The following SMCR8 variants were observed in gnomAD, a reference collection of about 807,000 sequenced individuals.
SMCR8 encodes guanine nucleotide exchange protein SMCR8.
SMCR8 carries 30 observed loss-of-function variants against 56.6 expected under a neutral mutation model. That is an observed-to-expected ratio of 0.53 (90% CI 0.40 to 0.72). The LOEUF (loss-of-function observed/expected upper bound fraction) is 0.72, where lower values mean the gene tolerates loss of function less well. Ranked by LOEUF, SMCR8 falls within the 30% of genes least tolerant of loss-of-function variation. The pLI, the probability that SMCR8 is intolerant of heterozygous loss-of-function variation, is 0.00. For synonymous variants in SMCR8, 538 were observed against 456.0 expected (o/e 1.18, Z -2.29); for missense variants, 1,198 against 1,157.0 (o/e 1.04, Z -0.51).
chr17:18,317,659 C>T lies in SMCR8; in HGVS notation c.1870C>T (p.Gln624Ter). The change falls in exon 1 of 2, where the codon CAG (glutamine) becomes TAG (stop). Residue 624 changes from glutamine (Q) to a stop codon, truncating the protein, a stop_gained. Coordinates refer to ENST00000406438, the MANE Select transcript of SMCR8 (RefSeq NM_144775.3). LOFTEE classifies it high-confidence loss of function. ...CCCACAGCGCCACAGGCAGAAGGACCAGGGGTTCCGTGTAGACTTTTCAGT... is the reference window on the plus strand; with the variant it reads ...CCCACAGCGCCACAGGCAGAAGGACTAGGGGTTCCGTGTAGACTTTTCAGT... ...SPPQRHRQKD[Q>*]GFRVDFSVEN... The T allele has an allele frequency of 6.2e-7, 1 of 1,614,188 alleles. No individual in the cohort carries two copies. Among genetic ancestry groups the T allele is most frequent in the Admixed American group, 1.7e-5 (1 of 60,032 alleles).
At chr17:18,318,318 C>T (rs1313706032) in intron 1 of SMCR8, among the ~76,000 whole-genome samples, 169 bp downstream of exon 1, 1 of 152,210 alleles carries the variant, frequency 6.6e-6, no homozygotes, top group Non-Finnish European at 1.5e-5. Context: ...CCTTGTCTGT[C>T]ATGTGAGGGG....
At chr17:18,321,147 A>G (rs187718107) in intron 1 of SMCR8, among the ~76,000 whole-genome samples, 1 of 152,370 alleles carries the variant, frequency 6.6e-6, no homozygotes, top group Admixed American at 6.5e-5. Flanking sequence ...GTACTGTGAG[A>G]GTACCTTGGT....
Position 18,323,142 on chromosome 17 carries a change from A to C in SMCR8, c.*72A>C, listed in dbSNP as rs986073495. 12 of 1,332,964 alleles carry C rather than the reference A, an allele frequency of 9.0e-6. No individual in the cohort carries two copies. Among genetic ancestry groups the C allele is most frequent in the Non-Finnish European group, 1.3e-5 (12 of 952,688 alleles). The allele number at this position is 1,332,964 out of a possible 1,614,324, so 82.6% of individuals were successfully genotyped here. ...GGAGGGGAGGGGTTGGCATGACCAAACAGTTGCCTGAGCTGGACTGTTTAA... is the reference window on the plus strand; with the variant it reads ...GGAGGGGAGGGGTTGGCATGACCAACCAGTTGCCTGAGCTGGACTGTTTAA... On this transcript the variant is annotated 3_prime_UTR_variant, in exon 2 of 2. Coordinates refer to ENST00000406438, the MANE Select transcript of SMCR8 (RefSeq NM_144775.3).
chr17:18,322,710 C>G lies in SMCR8; in HGVS notation c.2454C>G (p.Arg818=), dbSNP rs373529253. 1 of 1,614,256 alleles carries G rather than the reference C, an allele frequency of 6.2e-7. No homozygotes were observed. ...SILDLDNKTL[R]CPLYRGTLVP... ...TGGACCTTGACAACAAAACCCTGCG[C>G]TGCCCCCTTTACAGAGGCACCCTGG... Residue 818 remains arginine, a synonymous_variant, in exon 2 of 2, where the codon CGC becomes CGG. Transcript: ENST00000406438.
In SMCR8 at chr17:18,325,338, A is replaced by T. The variant is rs1330668148; in HGVS notation, c.*2268A>T. 2 of 152,236 alleles carry T rather than the reference A, an allele frequency of 1.3e-5. No individual in the cohort carries two copies. Among genetic ancestry groups the T allele is most frequent in the African/African-American group, 4.8e-5 (2 of 41,454 alleles). The allele number at this position is 152,236 out of a possible 1,614,324, so 9.4% of individuals were successfully genotyped here. A position where few individuals can be genotyped will look rare whatever the true frequency, so the allele number is the denominator to read the frequency against. ...GTCCACTTGAGGTATTTGCTGGCAC[A>T]CACCCTCAAGGGTGGTTCAGAAGGT... On this transcript the variant is annotated 3_prime_UTR_variant, in exon 2 of 2. Transcript: ENST00000406438.
At chr17:18,318,517 C>T (rs1982403384) in intron 1 of SMCR8, among the ~76,000 whole-genome samples, 2 of 152,160 alleles carry the variant, frequency 1.3e-5, no homozygotes, top group South Asian at 4.1e-4. Flanking sequence ...AATTCTCTTG[C>T]CTCACTGTCC....
At position 18,317,885 on chromosome 17, in the gene SMCR8, C is replaced by G; in HGVS notation, c.2096C>G (p.Ser699Cys). The G allele has an allele frequency of 6.2e-7, 1 of 1,614,172 alleles. No individual in the cohort carries two copies. The highest frequency in any genetic ancestry group is 8.5e-7 in the Non-Finnish European group (1 of 1,180,026). ...IPSAYPAGLS[S>C]DRHKKRAGQN... ...TCTGCTTATCCTGCTGGCCTGTCTT[C>G]CGATAGGCATAAAAAGAGGGCTGGC... is the stretch of plus-strand genomic sequence containing the variant. The change falls in exon 1 of 2, where the codon TCC becomes TGC. Residue 699 changes from serine to cysteine, a missense_variant. Ser to Cys is a moderately radical substitution (Grantham distance 112). Transcript: ENST00000406438.
intron 1 of SMCR8, 140 bp downstream of exon 1, chr17:18,318,289 C>T (rs1302885375): frequency 1.2e-6 from 1 of 810,568 alleles, no homozygotes; most frequent in East Asian, 2.5e-5. Flanking sequence ...CAAGTCATCC[C>T]CCTCTCTGGT....
rs1982619949 is a variant in SMCR8 at position 18,325,338 on chromosome 17, AC to A, written c.*2269del. The A allele has an allele frequency of 6.6e-6, 1 of 152,236 alleles. No individual in the cohort carries two copies. The highest frequency in any genetic ancestry group is 1.5e-5 in the Non-Finnish European group (1 of 68,056). The allele number at this position is 152,236 out of a possible 1,614,324, so 9.4% of individuals were successfully genotyped here. A position where few individuals can be genotyped will look rare whatever the true frequency, so the allele number is the denominator to read the frequency against. ...GTCCACTTGAGGTATTTGCTGGCAC[AC>A]ACCCTCAAGGGTGGTTCAGAAGGTC... On this transcript the variant is annotated 3_prime_UTR_variant, in exon 2 of 2. Transcript: ENST00000406438.
rs1982681718 is a variant in SMCR8, at chr17:18,327,060, G to C, written c.*3990G>C. ...ACTGTGATGGAACATAATAAAACTG[G>C]AGATATGGTTTTTAACACTGCAAAA... On this transcript the variant is annotated 3_prime_UTR_variant, in exon 2 of 2. Coordinates refer to ENST00000406438, the MANE Select transcript of SMCR8 (RefSeq NM_144775.3). 1 of 152,438 alleles carries C rather than the reference G, an allele frequency of 6.6e-6. No individual in the cohort carries two copies. Among genetic ancestry groups the C allele is most frequent in the Non-Finnish European group, 1.5e-5 (1 of 68,038 alleles). The allele number at this position is 152,438 out of a possible 1,614,324, so 9.4% of individuals were successfully genotyped here. A position where few individuals can be genotyped will look rare whatever the true frequency, so the allele number is the denominator to read the frequency against.
chr17:18,320,526 G>C (rs1243339413), intron 1 of SMCR8, among the ~76,000 whole-genome samples: 4 of 152,220 alleles, frequency 2.6e-5, no homozygotes, highest in African/African-American at 9.7e-5. Context: ...AGCACCTGTG[G>C]AGCTGGATGT....
rs755871101 is a variant in SMCR8 at position 18,325,001 on chromosome 17, T to C, written c.*1931T>C. The C allele has an allele frequency of 6.6e-5, 10 of 152,386 alleles. No individual in the cohort carries two copies. Among genetic ancestry groups the C allele is most frequent in the Non-Finnish European group, 1.5e-4 (10 of 68,044 alleles). The allele number at this position is 152,386 out of a possible 1,614,324, so 9.4% of individuals were successfully genotyped here. ...CTGCTTCTAATCGTGGGCTCCCTTA[T>C]CTGTTACGGTTCCCTCCCCTCCTGT... On this transcript the variant is annotated 3_prime_UTR_variant, in exon 2 of 2. Transcript: ENST00000406438.
At chr17:18,321,659 G>A (rs2142994197) in intron 1 of SMCR8, among the ~76,000 whole-genome samples, 1 of 152,152 alleles carries the variant, frequency 6.6e-6, no homozygotes, top group Admixed American at 6.5e-5. Flanking sequence ...GGGAAACATA[G>A]CAAACTTCCA....
Position 18,316,880 on chromosome 17 carries a change from A to C in SMCR8, c.1091A>C (p.Gln364Pro), listed in dbSNP as rs145804608. Residue 364 changes from glutamine to proline, a missense_variant, in exon 1 of 2, where the codon CAA becomes CCA. Transcript: ENST00000406438. The stretch of plus-strand genomic sequence containing the variant: ...CAGATTGATAGAGCACTTCTAAAAC[A>C]ACAGCATATAACAAACTTTCTCTTT... ...TSQIDRALLK[Q>P]QHITNFLFED... 1.2e-6 allele frequency: 2 copies of C among 1,614,210 alleles called. No homozygotes were observed. Among genetic ancestry groups the C allele is most frequent in the African/African-American group, 2.7e-5 (2 of 75,050 alleles).
In SMCR8 at chr17:18,316,663, GACA is replaced by G. The variant is rs1253003057; in HGVS notation, c.875_877del (p.Asp292_Thr293delinsAla). 1 of 1,614,008 alleles carries G rather than the reference GACA, an allele frequency of 6.2e-7. No individual in the cohort carries two copies. The highest frequency in any genetic ancestry group is 8.5e-7 in the Non-Finnish European group (1 of 1,180,036). On this transcript the variant is annotated inframe_deletion, in exon 1 of 2. Transcript: ENST00000406438. The stretch of plus-strand genomic sequence containing the variant: ...TACCTCTAACCCTGATGAGTCTGCC[GACA>G]CAGACCTTTACACCTGCAGACCAGC...
chr17:18,321,205 C>T (rs1982487225), intron 1 of SMCR8, among the ~76,000 whole-genome samples: 1 of 152,244 alleles, frequency 6.6e-6, no homozygotes, highest in Non-Finnish European at 1.5e-5. Context: ...CTGACGTAAA[C>T]CCTAAATGTC....
chr17:18,315,600 A>G lies in SMCR8; in HGVS notation c.-190A>G. On this transcript the variant is annotated 5_prime_UTR_variant, in exon 1 of 2. Coordinates refer to ENST00000406438, the MANE Select transcript of SMCR8 (RefSeq NM_144775.3). ...CCTCAGAGAGCTCCGGAGGAGCTAC[A>G]ACTGTGAGGGGGCTGCTAGAGTTCT... 1 of 574,616 alleles carries G rather than the reference A, an allele frequency of 1.7e-6. No homozygotes were observed. The allele number at this position is 574,616 out of a possible 1,614,324, so 35.6% of individuals were successfully genotyped here.
At position 18,317,271 on chromosome 17, in the gene SMCR8, A is replaced by G; in HGVS notation, c.1482A>G (p.Thr494=). 28 of 1,614,146 alleles carry G rather than the reference A, an allele frequency of 1.7e-5. No individual in the cohort carries two copies. The highest frequency in any genetic ancestry group is 2.2e-5 in the Non-Finnish European group (26 of 1,180,048). Residue 494 remains threonine, a synonymous_variant, in exon 1 of 2, where the codon ACA becomes ACG. Coordinates refer to ENST00000406438, the MANE Select transcript of SMCR8 (RefSeq NM_144775.3). ...LSKSDSQASL[T]VPLSPQVVRS... is the part of the protein sequence containing the mutation. ...AATCTGACAGCCAGGCAAGCCTCAC[A>G]GTACCATTGAGCCCCCAGGTGGTCC...
rs918113629 is a variant in SMCR8 at position 18,316,977 on chromosome 17, C to T, written c.1188C>T (p.Asp396=). Residue 396 remains aspartate (D), a synonymous_variant, in exon 1 of 2, where the codon GAC becomes GAT. Transcript: ENST00000406438. The part of the protein sequence containing the change: ...QESIPSKPSQ[D]RPPSSSLEEC... ...GCATACCCTCTAAGCCCAGTCAAGA[C>T]AGGCCGCCTTCCAGTTCTCTAGAAG... 1.2e-6 allele frequency: 2 copies of T among 1,614,214 alleles called. No homozygotes were observed. Among genetic ancestry groups the T allele is most frequent in the African/African-American group, 1.3e-5 (1 of 75,048 alleles).
Sources: gnomAD v4.1 joint callset for allele counts (sites outside exome capture counted in the v4.1 genomes callset) on GRCh38, gnomAD v4.1.1 for gene constraint, MANE v1.5 for transcripts, NCBI Gene and HGNC (gene_info 2026-07-23, HGNC 2026-07-21) for gene names.